The following COL6A3 variants were observed in gnomAD, a reference collection of about 807,000 sequenced individuals.
COL6A3 encodes the protein collagen type VI alpha 3 chain.
In COL6A3, 137 loss-of-function variants were observed where a neutral mutation model predicts 274.1. That is an observed-to-expected ratio of 0.50 (90% CI 0.44 to 0.58). The LOEUF is 0.58. COL6A3 is among the 20% of genes least tolerant of loss of function. The pLI, the probability that COL6A3 is intolerant of heterozygous loss-of-function variation, is 0.00. For missense variants in COL6A3, 3,950 were observed against 4,124.9 expected, an observed-to-expected ratio of 0.96 and a Z score of 1.16; for synonymous variants, 1,650 against 1,650.6, an observed-to-expected ratio of 1.00 and a Z score of 0.01.
chr2:237,343,026 G>A (rs1172531843), intron 36 of COL6A3: 1 of 152,206 alleles, frequency 6.6e-6, no homozygotes, highest in Non-Finnish European at 1.5e-5. Context: ...ATTTACAGGT[G>A]AAAAATCTGA....
chr2:237,377,068 C>G lies in COL6A3; in HGVS notation c.2774G>C (p.Arg925Thr). ...NLGYALDYAQ[R>T]YIFVKSAGSR... ...GCCAGCAGACTTCACAAAAATGTAC[C>G]TCTGTGCATAGTCCAGCGCGTAGCC... Residue 925 changes from arginine to threonine, a missense_variant, in exon 7 of 44, where the codon AGG becomes ACG. Physicochemically the swap from Arg to Thr is moderately conservative, Grantham distance 71. Around this residue, in one of 5 missense-constraint regions of COL6A3, gnomAD observed 1,934 missense variants for 1,984.3 expected, o/e 0.97. Coordinates refer to ENST00000295550, the MANE Select transcript of COL6A3 (RefSeq NM_004369.4). 6.2e-7 allele frequency: 1 copy of G among 1,614,212 alleles called. No individual in the cohort carries two copies. The highest frequency in any genetic ancestry group is 8.5e-7 in the Non-Finnish European group (1 of 1,180,042).
At chr2:237,409,228 C>T (rs993060334) in intron 1 of COL6A3, among the ~76,000 whole-genome samples, 1 of 152,128 alleles carries the variant, frequency 6.6e-6, no homozygotes, top group Non-Finnish European at 1.5e-5. Flanking sequence ...TGTTTGCCAA[C>T]CAGAAGAGAG....
At chr2:237,353,612 C>G (rs1485709764) in intron 24 of COL6A3, among the ~76,000 whole-genome samples, 3 of 152,206 alleles carry the variant, frequency 2.0e-5, no homozygotes, top group Non-Finnish European at 4.4e-5. Context: ...ACAATTGTTC[C>G]TCACTCTTGC....
rs1249297322 is a variant in COL6A3, at chr2:237,352,523, C to T, written c.6752G>A (p.Arg2251Gln). The change falls in exon 26 of 44, where the codon CGG becomes CAG. Residue 2251 changes from arginine (R) to glutamine (Q), a missense_variant and splice_region_variant. Arg to Gln is a conservative substitution (Grantham distance 43, BLOSUM62 1). Coordinates refer to ENST00000295550, the MANE Select transcript of COL6A3 (RefSeq NM_004369.4). Reference sequence around the variant, plus strand: ...GGGCTGGTATTAGGACAGGCTTACCCGAGGTCCAGAAATGCCTTGTTCTCC... The same window carrying T: ...GGGCTGGTATTAGGACAGGCTTACCTGAGGTCCAGAAATGCCTTGTTCTCC... ...LIGEQGISGPRGSGGAAGAPG... is the reference protein window; with the variant it reads ...LIGEQGISGPQGSGGAAGAPG... The T allele has an allele frequency of 4.3e-6, 7 of 1,611,340 alleles. No individual in the cohort carries two copies. The highest frequency in any genetic ancestry group is 5.9e-6 in the Non-Finnish European group (7 of 1,179,018).
At position 237,337,896 on chromosome 2, in the gene COL6A3, A is replaced by G. The variant is rs143557933; in HGVS notation, c.8567+1119T>C. Among the ~76,000 whole-genome samples the G allele has an allele frequency of 2.4e-3, 359 of 151,856 alleles. 2 individuals are homozygous for G. Among genetic ancestry groups the G allele is most frequent in the African/African-American group, 7.6e-3 (315 of 41,274 alleles). ...ACTCCCACCCCTCCCGTCAGTCTTCATAGAACATGCACATGACTTCCTATT... is the reference window on the plus strand; with the variant it reads ...ACTCCCACCCCTCCCGTCAGTCTTCGTAGAACATGCACATGACTTCCTATT... On this transcript the variant is annotated intron_variant, in intron 39 of 43. Coordinates refer to ENST00000295550, the MANE Select transcript of COL6A3 (RefSeq NM_004369.4).
At position 237,381,410 on chromosome 2, in the gene COL6A3, T is replaced by G. The variant is rs773820411; in HGVS notation, c.1402A>C (p.Ile468Leu). Residue 468 changes from isoleucine (I) to leucine (L), a missense_variant, in exon 5 of 44, where the codon ATT becomes CTT. By Grantham distance (5) the Ile-to-Leu change is conservative. Transcript: ENST00000295550. The stretch of plus-strand genomic sequence containing the variant: ...TCCAGCCTCTGGATGACTTTAGCAA[T>G]GAAGTCTCGGATGGCATTGAAGTTG... ...LANFNAIRDF[I>L]AKVIQRLEIG... The G allele has an allele frequency of 6.2e-7, 1 of 1,613,768 alleles. No homozygotes were observed. The highest frequency in any genetic ancestry group is 8.5e-7 in the Non-Finnish European group (1 of 1,180,044).
chr2:237,357,426 T>C (rs2077342217), intron 22 of COL6A3, 35 bp from the exon 23 acceptor site: 1 of 1,564,174 alleles, frequency 6.4e-7, no homozygotes, highest in African/African-American at 1.4e-5. Context: ...GATTCTCATC[T>C]GCAGAGAAGA....
chr2:237,399,326 C>T (rs2078531582), intron 1 of COL6A3, among the ~76,000 whole-genome samples: 1 of 152,170 alleles, frequency 6.6e-6, no homozygotes, highest in Admixed American at 6.5e-5. Context: ...TGCTCAAAGC[C>T]TCCATTTCCT....
Position 237,364,757 on chromosome 2 carries a change from CAT to C in COL6A3, c.5839-331_5839-330del, listed in dbSNP as rs1286335287. On this transcript the variant is annotated intron_variant, in intron 12 of 43. Coordinates refer to ENST00000295550, the MANE Select transcript of COL6A3 (RefSeq NM_004369.4). This position sits in a 1 kb window ranked among gnomAD's most constrained non-coding sequence, Gnocchi z 4.6. ...ATGCATGTGTGCGTGCATGTGTGTGCATGTGTGTGGGTACATATGTGTGTGTA... is the reference window on the plus strand; with the variant it reads ...ATGCATGTGTGCGTGCATGTGTGTGCGTGTGTGGGTACATATGTGTGTGTA... Among the ~76,000 whole-genome samples, 1 of 151,024 alleles carries C rather than the reference CAT, an allele frequency of 6.6e-6. No individual in the cohort carries two copies. Among genetic ancestry groups the C allele is most frequent in the African/African-American group, 2.4e-5 (1 of 41,006 alleles).
intron 42 of COL6A3, among the ~76,000 whole-genome samples, chr2:237,332,111 ATATATATG>A (rs1700287460): frequency 7.9e-5 from 8 of 100,648 alleles, no homozygotes; most frequent in African/African-American, 1.8e-4. Flanking sequence ...ATATATATAT[ATATATATG>A]AAAAGAAAAA....
At position 237,334,973 on chromosome 2, in the gene COL6A3, G is replaced by A. The variant is rs909648067; in HGVS notation, c.8966-84C>T. 1.1e-5 allele frequency: 17 copies of A among 1,523,686 alleles called. No homozygotes were observed. In the African/African-American group the frequency reaches 1.8e-4, roughly 16 times the overall value. 94.4% of individuals were successfully genotyped at this position (1,523,686 alleles called of 1,614,324 possible). On this transcript the variant is annotated intron_variant, in intron 40 of 43. Coordinates refer to ENST00000295550, the MANE Select transcript of COL6A3 (RefSeq NM_004369.4). Reference sequence around the variant, plus strand: ...TGAGCGAGAGAGGAAATCTGAAAGGGATGTGTTAACAGACAAATTGACTTG... The same window carrying A: ...TGAGCGAGAGAGGAAATCTGAAAGGAATGTGTTAACAGACAAATTGACTTG...
At position 237,394,989 on chromosome 2, in the gene COL6A3, G is replaced by A. The variant is rs777645044; in HGVS notation, c.307C>T (p.Leu103Phe). Residue 103 changes from leucine to phenylalanine, a missense_variant, in exon 3 of 44, where the codon CTT becomes TTT. Transcript: ENST00000295550. ...LNTYRTKQEV[L>F]SHISNMSYIG... ...TAAGACATGTTGGAAATATGAGAAA[G>A]GACTTCTTGTTTAGTACGATACGTA... The A allele has an allele frequency of 1.9e-6, 3 of 1,614,130 alleles. No individual in the cohort carries two copies. Among genetic ancestry groups the A allele is most frequent in the Non-Finnish European group, 2.5e-6 (3 of 1,180,018 alleles).
At chr2:237,369,695 G>T (rs1461938595) in intron 9 of COL6A3, among the ~76,000 whole-genome samples, 1 of 152,226 alleles carries the variant, frequency 6.6e-6, no homozygotes, top group African/African-American at 2.4e-5. Context: ...TGGGGGCAGG[G>T]TACGTATAAC....
Position 237,371,674 on chromosome 2 carries a change from C to A in COL6A3, c.4285+58G>T. 2 of 1,530,372 alleles carry A rather than the reference C, an allele frequency of 1.3e-6. No individual in the cohort carries two copies. The highest frequency in any genetic ancestry group is 8.8e-7 in the Non-Finnish European group (1 of 1,142,230). 94.8% of individuals were successfully genotyped at this position (1,530,372 alleles called of 1,614,324 possible). On this transcript the variant is annotated intron_variant, in intron 9 of 43. Transcript: ENST00000295550. This position sits in a 1 kb window ranked among gnomAD's most constrained non-coding sequence, Gnocchi z 4.3. Reference sequence around the variant, plus strand: ...TATTATGAGTACCATGGCCTTTGAGCCTGTTATTTTTCATATGGAAAATGC... The same window carrying A: ...TATTATGAGTACCATGGCCTTTGAGACTGTTATTTTTCATATGGAAAATGC...
rs2077799018 is a variant in COL6A3, at chr2:237,375,017, G to A, written c.3074C>T (p.Ser1025Leu). Residue 1025 changes from serine to leucine, a missense_variant, in exon 8 of 44, where the codon TCA becomes TTA. Ser to Leu is a moderately radical substitution (Grantham distance 145). Transcript: ENST00000295550. ...CAGAAACACCACGTCCTTTTCACCTGAAACTGGGAGGAGGACAGCCTGGTA... is the reference window on the plus strand; with the variant it reads ...CAGAAACACCACGTCCTTTTCACCTAAAACTGGGAGGAGGACAGCCTGGTA... The part of the protein sequence containing the change: ...SVHNGAPAPV[S>L]GEKDVVFLLD... 3 of 1,613,522 alleles carry A rather than the reference G, an allele frequency of 1.9e-6. No individual in the cohort carries two copies. The highest frequency in any genetic ancestry group is 1.1e-5 in the South Asian group (1 of 91,084).
intron 26 of COL6A3, among the ~76,000 whole-genome samples, chr2:237,352,032 C>G (rs1246808231): frequency 1.3e-5 from 2 of 152,194 alleles, no homozygotes; most frequent in Non-Finnish European, 2.9e-5. Flanking sequence ...GACAGTGTGT[C>G]TCTGCTCATC....
Position 237,361,560 on chromosome 2 carries a change from A to G in COL6A3, c.6156+179T>C, listed in dbSNP as rs1346852755. ...CCGCCTGAACCATCTTCACTGGAAC[A>G]GGCCCCAGCAGAACAGCACGCAGGT... On this transcript the variant is annotated intron_variant, in intron 15 of 43. Transcript: ENST00000295550. The surrounding 1 kb of genome is among the most constrained non-coding windows in gnomAD (Gnocchi z 5.1). Among the ~76,000 whole-genome samples, 2 of 152,194 alleles carry G rather than the reference A, an allele frequency of 1.3e-5. No homozygotes were observed. The highest frequency in any genetic ancestry group is 2.9e-5 in the Non-Finnish European group (2 of 68,032).
At chr2:237,353,496 G>A in intron 24 of COL6A3, 93 bp from the exon 25 acceptor site, 1 of 1,141,390 alleles carries the variant, frequency 8.8e-7, no homozygotes, top group Non-Finnish European at 1.3e-6. Context: ...CAGGGACTTG[G>A]AAAGCAACCA....
chr2:237,363,631 G>T (rs779187394), intron 13 of COL6A3, among the ~76,000 whole-genome samples: 4 of 152,278 alleles, frequency 2.6e-5, no homozygotes, highest in Middle Eastern at 3.4e-3. Flanking sequence ...AAAAATATAG[G>T]AAGTGGCATC....
Sources: allele counts gnomAD v4.1 joint callset (sites outside exome capture counted in the v4.1 genomes callset), GRCh38; gene constraint gnomAD v4.1.1; regional missense constraint gnomAD v4.1.1; non-coding constraint Gnocchi (gnomAD v3.1); transcripts MANE v1.5; gene names NCBI Gene and HGNC (gene_info 2026-07-23, HGNC 2026-07-21).